CNNM2: variants seen among roughly 807,000 people sequenced by gnomAD.
CNNM2 encodes metal transporter CNNM2.
A neutral mutation model predicts 66.9 loss-of-function variants in CNNM2; 12 were observed. That is an observed-to-expected ratio of 0.18 (90% CI 0.11 to 0.29). CNNM2 has a LOEUF of 0.29. Ranked by LOEUF, CNNM2 falls within the 10% of genes least tolerant of loss-of-function variation. The pLI is 1.00. For synonymous variants in CNNM2, 557 were observed against 501.8 expected, an observed-to-expected ratio of 1.11 and a Z score of -1.47; for missense variants, 705 against 1,167.7, an observed-to-expected ratio of 0.60 and a Z score of 5.77.
chr10:103,034,612 G>A (rs778432179), intron 1 of CNNM2, among the ~76,000 whole-genome samples: 89 of 152,154 alleles, frequency 5.8e-4, no homozygotes, highest in Non-Finnish European at 9.0e-4. Context: ...AAATCAGTAA[G>A]TTTGGACTGT....
Position 103,085,792 on chromosome 10 carries a change from A to G in CNNM2, c.*8612A>G, listed in dbSNP as rs780174084. On this transcript the variant is annotated 3_prime_UTR_variant, in exon 8 of 8. Transcript: ENST00000369878. ...GCTCTACAGAGAAACTTCTGTATAT[A>G]TTTTATTTTTGAGATCACATACCTT... 1.3e-5 allele frequency: 2 copies of G among 152,154 alleles called. No homozygotes were observed. Among genetic ancestry groups the G allele is most frequent in the Non-Finnish European group, 2.9e-5 (2 of 68,022 alleles). The allele number at this position is 152,154 out of a possible 1,614,324, so 9.4% of individuals were successfully genotyped here. A position where few individuals can be genotyped will look rare whatever the true frequency, so the allele number is the denominator to read the frequency against.
chr10:102,970,200 C>T (rs1487111834), intron 1 of CNNM2, among the ~76,000 whole-genome samples: 1 of 152,132 alleles, frequency 6.6e-6, no homozygotes, highest in Non-Finnish European at 1.5e-5. Flanking sequence ...CTTATGGTCC[C>T]AGCTACTTGG....
intron 6 of CNNM2, among the ~76,000 whole-genome samples, 154 bp downstream of exon 6, chr10:103,071,993 A>C (rs2065591851): frequency 6.6e-6 from 1 of 152,114 alleles, no homozygotes; most frequent in South Asian, 2.1e-4. Context: ...CTTTATAGCG[A>C]GCTCTCCAGG....
At chr10:102,962,606 C>T (rs2063399848) in intron 1 of CNNM2, among the ~76,000 whole-genome samples, 1 of 151,194 alleles carries the variant, frequency 6.6e-6, no homozygotes, top group African/African-American at 2.4e-5. Flanking sequence ...TCAACATATC[C>T]AAATAATGAA....
chr10:103,006,348 A>T (rs2134263434), intron 1 of CNNM2, among the ~76,000 whole-genome samples: 1 of 151,954 alleles, frequency 6.6e-6, no homozygotes, highest in Middle Eastern at 3.4e-3. Flanking sequence ...CTGGGATTAT[A>T]GGCACCTGCT....
Position 103,085,862 on chromosome 10 carries a change from G to A in CNNM2, c.*8682G>A, listed in dbSNP as rs186678286. Reference sequence around the variant, plus strand: ...GTTGTGGCCTTGGGATGAAGACATTGTGTGTGAGGACAGGGAAAAATGGTT... The same window carrying A: ...GTTGTGGCCTTGGGATGAAGACATTATGTGTGAGGACAGGGAAAAATGGTT... On this transcript the variant is annotated 3_prime_UTR_variant, in exon 8 of 8. Transcript: ENST00000369878. 2.0e-5 allele frequency: 3 copies of A among 152,276 alleles called. No individual in the cohort carries two copies. The highest frequency in any genetic ancestry group is 3.9e-4 in the East Asian group (2 of 5,188). 9.4% of individuals were successfully genotyped at this position (152,276 alleles called of 1,614,324 possible).
In CNNM2 at chr10:103,080,345, G is replaced by A. The variant is rs896212880; in HGVS notation, c.*3165G>A. ...GAGGAGGGCTTTTCTCCTGCTGTTT[G>A]GAGGTTCCGTCCCTTCACTGCTTGT... On this transcript the variant is annotated 3_prime_UTR_variant, in exon 8 of 8. Transcript: ENST00000369878. 2 of 152,264 alleles carry A rather than the reference G, an allele frequency of 1.3e-5. No individual in the cohort carries two copies. The highest frequency in any genetic ancestry group is 4.8e-5 in the African/African-American group (2 of 41,446). The allele number at this position is 152,264 out of a possible 1,614,324, so 9.4% of individuals were successfully genotyped here. A position where few individuals can be genotyped will look rare whatever the true frequency, so the allele number is the denominator to read the frequency against.
chr10:103,077,305 A>G lies in CNNM2; in HGVS notation c.*125A>G, dbSNP rs2065708526. ...TGTACCCTGCAACATCCTGAGACCAAAGACCTTGTGCCCTTCCCAGGAGCC... is the reference window on the plus strand; with the variant it reads ...TGTACCCTGCAACATCCTGAGACCAGAGACCTTGTGCCCTTCCCAGGAGCC... On this transcript the variant is annotated 3_prime_UTR_variant, in exon 8 of 8. Transcript: ENST00000369878. The G allele has an allele frequency of 7.2e-6, 6 of 832,842 alleles. No homozygotes were observed. The Admixed American group carries it at 7.6e-5, about 10-fold the overall frequency. 51.6% of individuals were successfully genotyped at this position (832,842 alleles called of 1,614,324 possible). A position where few individuals can be genotyped will look rare whatever the true frequency, so the allele number is the denominator to read the frequency against.
chr10:103,067,558 G>T (rs1169381460), intron 4 of CNNM2, among the ~76,000 whole-genome samples: 1 of 152,160 alleles, frequency 6.6e-6, no homozygotes, highest in Non-Finnish European at 1.5e-5. Flanking sequence ...CCATTGTAAA[G>T]GATGCCTCAC....
intron 1 of CNNM2, among the ~76,000 whole-genome samples, chr10:103,004,130 G>A (rs1468911515): frequency 9.9e-6 from 1 of 100,610 alleles, no homozygotes; most frequent in Non-Finnish European, 1.8e-5. Flanking sequence ...AGCCTCCCAA[G>A]TAGCTGGAAT....
intron 1 of CNNM2, among the ~76,000 whole-genome samples, chr10:103,010,188 G>A (rs1196274771): frequency 6.6e-6 from 1 of 151,778 alleles, no homozygotes; most frequent in African/African-American, 2.4e-5. Flanking sequence ...ATATACAAGA[G>A]GAAAATGTAC....
At chr10:102,947,679 A>T (rs1207867595) in intron 1 of CNNM2, among the ~76,000 whole-genome samples, 1 of 152,084 alleles carries the variant, frequency 6.6e-6, no homozygotes, top group African/African-American at 2.4e-5. Flanking sequence ...TGAGTCTGGG[A>T]GATGGAGGTT....
intron 1 of CNNM2, chr10:102,927,436 C>T: frequency 6.2e-7 from 1 of 1,611,734 alleles, no homozygotes; most frequent in Non-Finnish European, 8.5e-7. Flanking sequence ...ACATTGGCAA[C>T]TCTAGGATGT....
intron 6 of CNNM2, among the ~76,000 whole-genome samples, chr10:103,072,579 A>C (rs1268562010): frequency 6.6e-6 from 1 of 152,206 alleles, no homozygotes; most frequent in East Asian, 1.9e-4. Context: ...AACACCCGGC[A>C]CATTCCTATC....
intron 1 of CNNM2, among the ~76,000 whole-genome samples, chr10:102,967,621 T>G (rs896106232): frequency 4.6e-5 from 7 of 152,244 alleles, no homozygotes; most frequent in African/African-American, 1.7e-4. Context: ...TTTATGCCGA[T>G]TAATTGTATT....
At chr10:102,976,601 C>T (rs764271430) in intron 1 of CNNM2, among the ~76,000 whole-genome samples, 6 of 134,358 alleles carry the variant, frequency 4.5e-5, no homozygotes, top group Non-Finnish European at 8.0e-5. Flanking sequence ...GTGCGCCACA[C>T]GCCCAGGTAA....
Position 103,049,800 on chromosome 10 carries a change from T to C in CNNM2, c.1715T>C (p.Val572Ala). 1 of 1,613,920 alleles carries C rather than the reference T, an allele frequency of 6.2e-7. No individual in the cohort carries two copies. ...EVLGIVTLED[V>A]IEEIIKSEIL... The stretch of plus-strand genomic sequence containing the variant: ...CTGGGAATCGTCACCTTAGAAGATG[T>C]GATTGAAGAAATCATCAAATCTGAG... Residue 572 changes from valine to alanine, a missense_variant, in exon 2 of 8, where the codon GTG (valine) becomes GCG (alanine). Physicochemically the swap from Val to Ala is moderately conservative, Grantham distance 64 (BLOSUM62 0). Transcript: ENST00000369878.
intron 1 of CNNM2, among the ~76,000 whole-genome samples, chr10:103,048,653 A>G (rs922241071): frequency 6.7e-6 from 1 of 150,060 alleles, no homozygotes; most frequent in Non-Finnish European, 1.5e-5. Flanking sequence ...TAGTTTGTCT[A>G]GTAGTCGTGT....
chr10:103,056,896 A>G lies in CNNM2; in HGVS notation c.2005A>G (p.Lys669Glu). The G allele has an allele frequency of 1.2e-6, 2 of 1,614,014 alleles. No homozygotes were observed. The highest frequency in any genetic ancestry group is 1.7e-6 in the Non-Finnish European group (2 of 1,179,886). ...GGAACTGAAATATGATGAGAAGAACAAGAAAGCCCCCGAATACTACCTCTA... is the reference window on the plus strand; with the variant it reads ...GGAACTGAAATATGATGAGAAGAACGAGAAAGCCCCCGAATACTACCTCTA... Reference protein sequence around the residue: ...IQELKYDEKNKKAPEYYLYQR... With the variant: ...IQELKYDEKNEKAPEYYLYQR... The change falls in exon 4 of 8, where the codon AAG becomes GAG. Residue 669 changes from lysine (K) to glutamate (E), a missense_variant. This residue lies in a region of CNNM2 where 171 missense variants were observed against 304.8 expected (regional missense o/e 0.56). Coordinates refer to ENST00000369878, the MANE Select transcript of CNNM2 (RefSeq NM_017649.5).
Sources: allele counts gnomAD v4.1 joint callset (sites outside exome capture counted in the v4.1 genomes callset), GRCh38; gene constraint gnomAD v4.1.1; regional missense constraint gnomAD v4.1.1; transcripts MANE v1.5; gene names NCBI Gene and HGNC (gene_info 2026-07-23, HGNC 2026-07-21).